Variants in QTMAN observed in about 807,000 individuals in gnomAD.
QTMAN encodes the protein tRNA-queuosine alpha-mannosyltransferase.
the QTMAN span, among the ~76,000 whole-genome samples, chr2:144,025,894 A>C: frequency 2.9e-4 from 44 of 152,334 alleles, no homozygotes; most frequent in Middle Eastern, 0.01. Flanking sequence ...TAACCGGTCT[A>C]TTGAACAGGT....
At chr2:144,111,992 G>T in the QTMAN span, among the ~76,000 whole-genome samples, 1 of 152,078 alleles carries the variant, frequency 6.6e-6, no homozygotes, top group East Asian at 1.9e-4. Context: ...TCTTAAAGAG[G>T]TCAACACATG....
At chr2:143,981,022 T>C in the QTMAN span, among the ~76,000 whole-genome samples, 1 of 152,348 alleles carries the variant, frequency 6.6e-6, no homozygotes, top group Admixed American at 6.5e-5. Flanking sequence ...CCTTGTCCAC[T>C]ACTTACTTTA....
chr2:144,077,145 C>T, the QTMAN span, among the ~76,000 whole-genome samples: 6 of 151,634 alleles, frequency 4.0e-5, no homozygotes, highest in Non-Finnish European at 7.4e-5. Context: ...AAATGTATTT[C>T]ACTACTTCAA....
the QTMAN span, among the ~76,000 whole-genome samples, chr2:143,976,819 C>A: frequency 6.6e-6 from 1 of 152,188 alleles, no homozygotes; most frequent in Non-Finnish European, 1.5e-5. Flanking sequence ...TGACAAAGAC[C>A]AACAACATCC....
At chr2:144,169,727 G>A in the QTMAN span, among the ~76,000 whole-genome samples, 1 of 152,076 alleles carries the variant, frequency 6.6e-6, no homozygotes, top group Non-Finnish European at 1.5e-5. Flanking sequence ...ATCTTTGATT[G>A]CATGGGTTTT....
At chr2:144,167,642 C>A in the QTMAN span, among the ~76,000 whole-genome samples, 2 of 152,026 alleles carry the variant, frequency 1.3e-5, no homozygotes, top group Non-Finnish European at 2.9e-5. Flanking sequence ...TCCTGCCGCC[C>A]TGTGAAGAAG....
chr2:144,299,045 C>T, the QTMAN span, among the ~76,000 whole-genome samples: 1 of 152,136 alleles, frequency 6.6e-6, no homozygotes, highest in Admixed American at 6.5e-5. Context: ...GTTGATTTCC[C>T]TGTTGACAGA....
At chr2:144,203,754 T>C in the QTMAN span, among the ~76,000 whole-genome samples, 2 of 152,048 alleles carry the variant, frequency 1.3e-5, no homozygotes, top group East Asian at 1.9e-4. Context: ...TATAATAATA[T>C]ATATTTTAAT....
the QTMAN span, among the ~76,000 whole-genome samples, chr2:144,067,583 T>TTA: frequency 6.6e-6 from 1 of 152,130 alleles, no homozygotes; most frequent in African/African-American, 2.4e-5. Context: ...TCCCATCACA[T>TTA]TATAAATAGC....
the QTMAN span, among the ~76,000 whole-genome samples, chr2:144,108,641 T>TA: frequency 1.8e-3 from 238 of 133,714 alleles, 1 homozygote; most frequent in East Asian, 0.019. Context: ...CTGTCTCAAT[T>TA]AAAAAAAAAA....
chr2:144,147,548 T>C, the QTMAN span, among the ~76,000 whole-genome samples: 2 of 151,788 alleles, frequency 1.3e-5, no homozygotes, highest in Non-Finnish European at 2.9e-5. Context: ...GGTCTAGTTA[T>C]TGCGTAATCC....
the QTMAN span, among the ~76,000 whole-genome samples, chr2:144,123,067 T>C: frequency 6.6e-6 from 1 of 150,526 alleles, no homozygotes; most frequent in East Asian, 1.9e-4. Context: ...ACACACCATA[T>C]AATTAGATTA....
the QTMAN span, among the ~76,000 whole-genome samples, chr2:144,159,629 G>A: frequency 6.6e-6 from 1 of 152,102 alleles, no homozygotes; most frequent in African/African-American, 2.4e-5. Flanking sequence ...GAAGAGAAGA[G>A]CCATAATCAC....
chr2:144,256,118 C>T, the QTMAN span, among the ~76,000 whole-genome samples: 3 of 152,046 alleles, frequency 2.0e-5, no homozygotes, highest in Non-Finnish European at 4.4e-5. Context: ...TTCTCCTGCT[C>T]ATATAACAAC....
chr2:144,245,764 A>C, the QTMAN span, among the ~76,000 whole-genome samples: 1 of 152,252 alleles, frequency 6.6e-6, no homozygotes, highest in Non-Finnish European at 1.5e-5. Flanking sequence ...AAGGGAAAAA[A>C]TTTAAAGTAA....
the QTMAN span, among the ~76,000 whole-genome samples, chr2:144,093,013 C>G: frequency 6.6e-6 from 1 of 151,560 alleles, no homozygotes; most frequent in Non-Finnish European, 1.5e-5. Flanking sequence ...TTATTTGGGA[C>G]AGCAAGGAAA....
chr2:144,166,753 A>G, the QTMAN span, among the ~76,000 whole-genome samples: 1 of 152,060 alleles, frequency 6.6e-6, no homozygotes, highest in Non-Finnish European at 1.5e-5. Context: ...CAAACTGTTG[A>G]TTTTGTCTTC....
the QTMAN span, among the ~76,000 whole-genome samples, chr2:144,217,765 T>C: frequency 2.6e-5 from 4 of 151,982 alleles, no homozygotes; most frequent in African/African-American, 4.8e-5. Flanking sequence ...AAAACAATAC[T>C]GAAGATTCAC....
chr2:144,118,593 C>T, the QTMAN span, among the ~76,000 whole-genome samples: 11 of 152,064 alleles, frequency 7.2e-5, no homozygotes, highest in East Asian at 1.9e-4. Context: ...CATAGAAATA[C>T]GGATTGTGGG....
Sources: gnomAD v4.1 joint callset for allele counts (sites outside exome capture counted in the v4.1 genomes callset) on GRCh38, gnomAD v4.1.1 for gene constraint, MANE v1.5 for transcripts, NCBI Gene and HGNC (gene_info 2026-07-23, HGNC 2026-07-21) for gene names.